Variants in KDM2A observed in about 807,000 individuals in gnomAD.
KDM2A encodes the protein lysine-specific demethylase 2A.
In KDM2A, 3 loss-of-function variants were observed where a neutral mutation model predicts 137.3. The observed-to-expected ratio is 0.02, with a 90% CI of 0.01 to 0.06. The LOEUF (loss-of-function observed/expected upper bound fraction) is 0.06. Ranked by LOEUF, KDM2A falls within the 10% of genes least tolerant of loss-of-function variation. The pLI is 1.00. For synonymous variants in KDM2A, 512 were observed against 541.5 expected (o/e 0.95, Z 0.76); for missense variants, 738 against 1,510.6 (o/e 0.49, Z 8.48).
At chr11:67,217,446 G>T in intron 8 of KDM2A, 1 of 397,432 alleles carries the variant, frequency 2.5e-6, no homozygotes, top group Non-Finnish European at 4.7e-6. Context: ...GTGTTTAAGG[G>T]ACTGCCTAGG....
In KDM2A at chr11:67,231,750, G is replaced by A. The variant is rs1295306653; in HGVS notation, c.1269G>A (p.Gly423=). The change falls in exon 12 of 21, where the codon GGG becomes GGA. Residue 423 remains glycine (G), a synonymous_variant. Coordinates refer to ENST00000529006, the MANE Select transcript of KDM2A (RefSeq NM_012308.3). ...CAAGTCTGAAGAAAACTTTGGCTGG[G>A]GACTCATCTTCTGACTGTAGCCGGG... The part of the protein sequence containing the change: ...SLPSLKKTLA[G]DSSSDCSRGS... 14 of 1,613,950 alleles carry A rather than the reference G, an allele frequency of 8.7e-6. No homozygotes were observed. The highest frequency in any genetic ancestry group is 1.2e-5 in the Non-Finnish European group (14 of 1,179,878).
intron 2 of KDM2A, among the ~76,000 whole-genome samples, chr11:67,164,268 AT>A (rs1478556686): frequency 6.6e-6 from 1 of 152,216 alleles, no homozygotes; most frequent in East Asian, 1.9e-4. Context: ...TTTGCTAAAC[AT>A]AGTAAATATA....
intron 2 of KDM2A, among the ~76,000 whole-genome samples, chr11:67,163,080 A>G (rs1383174345): frequency 6.6e-6 from 1 of 152,136 alleles, no homozygotes; most frequent in Non-Finnish European, 1.5e-5. Context: ...CTTCTCCTTT[A>G]GTTTGTTTTC....
chr11:67,139,896 G>C (rs576341779), intron 2 of KDM2A, among the ~76,000 whole-genome samples: 1 of 151,930 alleles, frequency 6.6e-6, no homozygotes, highest in East Asian at 1.9e-4. Context: ...TTTTAGTAGA[G>C]TCCGGGTTTC....
At chr11:67,247,037 TTATATATATATATATATA>T (rs59101290) in intron 15 of KDM2A, among the ~76,000 whole-genome samples, 402 of 33,068 alleles carry the variant, frequency 0.012, 8 homozygotes, top group African/African-American at 0.041. Flanking sequence ...ATAAATTATT[TTATATATATATATATATA>T]TATATATATA....
rs1302843904 is a variant in KDM2A, at chr11:67,245,077, A to T, written c.1564-112A>T. On this transcript the variant is annotated intron_variant, in intron 13 of 20. Transcript: ENST00000529006. The surrounding 1 kb of genome is among the most constrained non-coding windows in gnomAD (Gnocchi z 4.1). ...TATTCTAGAAACAAGCAGTGGGCAG[A>T]TCTGGCCATAGTGGGCCAAGCCCCA... The T allele has an allele frequency of 8.0e-5, 92 of 1,153,966 alleles. No individual in the cohort carries two copies. The Middle Eastern group carries it at 8.1e-4, about 10-fold the overall frequency. The allele number at this position is 1,153,966 out of a possible 1,614,324, so 71.5% of individuals were successfully genotyped here.
chr11:67,218,240 G>A (rs1858230495), intron 9 of KDM2A, among the ~76,000 whole-genome samples: 1 of 152,190 alleles, frequency 6.6e-6, no homozygotes, highest in Admixed American at 6.5e-5. Context: ...GGCTGTGAAG[G>A]CTGGAGTGCT....
chr11:67,144,399 T>C (rs575184174), intron 2 of KDM2A, among the ~76,000 whole-genome samples: 1 of 151,498 alleles, frequency 6.6e-6, no homozygotes, highest in South Asian at 2.1e-4. Context: ...ATTACAGGCA[T>C]GCACCACCAT....
intron 2 of KDM2A, among the ~76,000 whole-genome samples, chr11:67,156,991 A>C (rs535649810): frequency 2.6e-5 from 4 of 152,068 alleles, no homozygotes; most frequent in Non-Finnish European, 4.4e-5. Flanking sequence ...AAAATTTAAA[A>C]TATTTACCCT....
At chr11:67,175,511 A>C (rs1389883922) in intron 2 of KDM2A, among the ~76,000 whole-genome samples, 1 of 152,248 alleles carries the variant, frequency 6.6e-6, no homozygotes, top group Non-Finnish European at 1.5e-5. Flanking sequence ...AGAGATCAGG[A>C]ATTCAAATTC....
At chr11:67,182,925 T>G (rs538380480) in intron 5 of KDM2A, among the ~76,000 whole-genome samples, 2 of 152,362 alleles carry the variant, frequency 1.3e-5, no homozygotes, top group South Asian at 4.1e-4. Flanking sequence ...TATTATCTTT[T>G]GTCCTCTGTA....
chr11:67,141,990 A>G (rs1169495446), intron 2 of KDM2A, among the ~76,000 whole-genome samples: 1 of 151,942 alleles, frequency 6.6e-6, no homozygotes, highest in Non-Finnish European at 1.5e-5. Flanking sequence ...TGTTCCGAAA[A>G]TGACAGAATT....
chr11:67,222,059 CTTT>C (rs11373238), intron 10 of KDM2A, among the ~76,000 whole-genome samples: 10 of 110,528 alleles, frequency 9.0e-5, no homozygotes, highest in African/African-American at 3.4e-4. Context: ...CTCTGTCATT[CTTT>C]TTTTTTTTTT....
In KDM2A at chr11:67,245,024, A is replaced by T. The variant is rs1042936873; in HGVS notation, c.1564-165A>T. ...AAAAGCAGCCATTGATAATACATAC[A>T]CAAGATGAGTTGTGTGTCAATAAAA... is the stretch of plus-strand genomic sequence containing the variant. On this transcript the variant is annotated intron_variant, in intron 13 of 20. Transcript: ENST00000529006. This position sits in a 1 kb window ranked among gnomAD's most constrained non-coding sequence, Gnocchi z 4.1. 69 of 738,356 alleles carry T rather than the reference A, an allele frequency of 9.3e-5. No homozygotes were observed. Among genetic ancestry groups the T allele is most frequent in the Admixed American group, 4.6e-4 (18 of 39,390 alleles). The allele number at this position is 738,356 out of a possible 1,614,324, so 45.7% of individuals were successfully genotyped here.
intron 2 of KDM2A, among the ~76,000 whole-genome samples, chr11:67,161,486 A>G (rs1230100451): frequency 1.3e-5 from 2 of 152,226 alleles, no homozygotes; most frequent in African/African-American, 2.4e-5. Flanking sequence ...GACCTGTAGC[A>G]GGAAATACAT....
chr11:67,233,742 C>G (rs138837068), intron 12 of KDM2A, among the ~76,000 whole-genome samples: 2 of 149,518 alleles, frequency 1.3e-5, no homozygotes, highest in East Asian at 4.0e-4. Context: ...AATGGTATAC[C>G]AAAGGAAAAA....
intron 15 of KDM2A, among the ~76,000 whole-genome samples, chr11:67,247,813 C>G (rs1859296821): frequency 1.3e-5 from 2 of 152,074 alleles, no homozygotes; most frequent in Admixed American, 1.3e-4. Flanking sequence ...ATATCTCAAA[C>G]CCAAAGAATT....
rs1412643610 is a variant in KDM2A at position 67,256,019 on chromosome 11, C to T, written c.*964C>T. On this transcript the variant is annotated 3_prime_UTR_variant, in exon 21 of 21. Coordinates refer to ENST00000529006, the MANE Select transcript of KDM2A (RefSeq NM_012308.3). ...AGCCCCAACCTGCCTCCCAGCCAGG[C>T]TCCTCCAGGCCTCTGGTTTAGCGGA... The T allele has an allele frequency of 5.7e-6, 1 of 174,160 alleles. No individual in the cohort carries two copies. Among genetic ancestry groups the T allele is most frequent in the East Asian group, 1.8e-4 (1 of 5,644 alleles). The allele number at this position is 174,160 out of a possible 1,614,324, so 10.8% of individuals were successfully genotyped here.
chr11:67,246,243 G>A, intron 15 of KDM2A, 127 bp downstream of exon 15: 1 of 1,000,650 alleles, frequency 1.0e-6, no homozygotes, highest in Non-Finnish European at 1.5e-6. Flanking sequence ...GTCACATAAT[G>A]CAGTGGTCTA....
Sources: allele counts gnomAD v4.1 joint callset (sites outside exome capture counted in the v4.1 genomes callset), GRCh38; gene constraint gnomAD v4.1.1; non-coding constraint Gnocchi (gnomAD v3.1); transcripts MANE v1.5; gene names NCBI Gene and HGNC (gene_info 2026-07-23, HGNC 2026-07-21).